Variants in TENM3 observed in about 807,000 individuals in gnomAD.
The protein encoded by TENM3 is teneurin transmembrane protein 3, also known as teneurin-3.
In TENM3, 63 loss-of-function variants were observed where a neutral mutation model predicts 255.1. The observed-to-expected ratio is 0.25, with a 90% CI of 0.20 to 0.30. TENM3 has a LOEUF of 0.30. TENM3 is among the 10% of genes least tolerant of loss of function. TENM3 has a pLI of 1.00. For synonymous variants in TENM3, 1,306 were observed against 1,322.3 expected (o/e 0.99, Z 0.27); for missense variants, 2,929 against 3,461.1 (o/e 0.85, Z 3.86).
At chr4:182,196,463 G>A (rs1185356373) in intron 1 of TENM3, among the ~76,000 whole-genome samples, 1 of 152,094 alleles carries the variant, frequency 6.6e-6, no homozygotes, top group Non-Finnish European at 1.5e-5. Flanking sequence ...AAGTAGGAAG[G>A]GTAAGCCTCT....
the TENM3 span, among the ~76,000 whole-genome samples, chr4:182,081,583 C>CAAAAAAAAAAAAAAAAAA: frequency 1.1e-5 from 1 of 87,534 alleles, no homozygotes; most frequent in Non-Finnish European, 2.1e-5. Flanking sequence ...GGCTCTGCCT[C>CAAAAAAAAAAAAAAAAAA]AAAAAAAAAA....
chr4:181,779,066 G>T, the TENM3 span, among the ~76,000 whole-genome samples: 12 of 152,188 alleles, frequency 7.9e-5, no homozygotes, highest in East Asian at 9.7e-4. Context: ...ACAAAGGAGA[G>T]TAGTGAACAG....
intron 16 of TENM3, among the ~76,000 whole-genome samples, chr4:182,733,999 G>A (rs1412460691): frequency 1.3e-5 from 2 of 152,076 alleles, no homozygotes; most frequent in Non-Finnish European, 2.9e-5. Context: ...TCATGCGGTA[G>A]GCAAATATTT....
chr4:181,464,905 G>T, the TENM3 span, among the ~76,000 whole-genome samples: 3 of 151,978 alleles, frequency 2.0e-5, no homozygotes, highest in South Asian at 2.1e-4. Flanking sequence ...GAGCCGAGAT[G>T]GTGCCATTGC....
In TENM3 at chr4:182,346,577, A is replaced by T. The variant is rs1764823732; in HGVS notation, c.233-74A>T. The T allele has an allele frequency of 3.0e-5, 8 of 264,266 alleles. No individual in the cohort carries two copies. In the South Asian group the frequency reaches 3.4e-4, roughly 11 times the overall value. The allele number at this position is 264,266 out of a possible 1,614,324, so 16.4% of individuals were successfully genotyped here. A position where few individuals can be genotyped will look rare whatever the true frequency, so the allele number is the denominator to read the frequency against. On this transcript the variant is annotated intron_variant, in intron 2 of 27. Coordinates refer to ENST00000511685, the MANE Select transcript of TENM3 (RefSeq NM_001080477.4). ...TGTTTATTTCTGAAAGACATTCTTA[A>T]AAAAAAAAAAAAGAAAAGAAACTAA...
the TENM3 span, among the ~76,000 whole-genome samples, chr4:181,940,562 T>C: frequency 6.6e-6 from 1 of 152,098 alleles, no homozygotes; most frequent in African/African-American, 2.4e-5. Flanking sequence ...TACAGAAAAT[T>C]AAAGCAGGGT....
At chr4:182,242,184 A>T (rs1757322092), upstream of TENM3, among the ~76,000 whole-genome samples, 1 of 151,752 alleles carries the variant, frequency 6.6e-6, no homozygotes, top group Non-Finnish European at 1.5e-5. Context: ...CATTAGGTAT[A>T]TCTCCTAATG....
the TENM3 span, among the ~76,000 whole-genome samples, chr4:181,968,007 T>C: frequency 3.9e-5 from 6 of 152,136 alleles, no homozygotes; most frequent in Middle Eastern, 3.2e-3. Flanking sequence ...CACAGGAACT[T>C]CAGTTCTGCT....
intron 2 of TENM3, among the ~76,000 whole-genome samples, chr4:182,343,390 C>T (rs996458404): frequency 2.0e-5 from 3 of 151,998 alleles, no homozygotes; most frequent in Admixed American, 6.5e-5. Flanking sequence ...ATATAAAGAC[C>T]GTAAAAGGCA....
the TENM3 span, among the ~76,000 whole-genome samples, chr4:182,063,088 T>C: frequency 6.6e-6 from 1 of 152,240 alleles, no homozygotes; most frequent in Non-Finnish European, 1.5e-5. Flanking sequence ...ATGAGTCACA[T>C]GAGAAAACAA....
chr4:182,370,452 T>G (rs936535121), intron 3 of TENM3, among the ~76,000 whole-genome samples: 4 of 152,238 alleles, frequency 2.6e-5, no homozygotes, highest in African/African-American at 9.6e-5. Context: ...AAGCAGGTCC[T>G]ATATTTAATA....
the TENM3 span, among the ~76,000 whole-genome samples, chr4:181,791,144 TG>T: frequency 6.6e-6 from 1 of 152,290 alleles, no homozygotes; most frequent in Middle Eastern, 3.4e-3. Flanking sequence ...ATAATTTGCT[TG>T]GTGGGCAAAT....
the TENM3 span, among the ~76,000 whole-genome samples, chr4:181,526,282 C>A: frequency 6.6e-6 from 1 of 151,002 alleles, no homozygotes. Context: ...AAAAAAAAAC[C>A]AGCAAAGTAG....
At chr4:182,091,497 G>GT in the TENM3 span, among the ~76,000 whole-genome samples, 9 of 152,158 alleles carry the variant, frequency 5.9e-5, no homozygotes, top group Admixed American at 5.9e-4. Flanking sequence ...AAGAGGTGAG[G>GT]TTTTGAGATC....
At chr4:182,100,856 T>TATAC in the TENM3 span, among the ~76,000 whole-genome samples, 112 of 12,148 alleles carry the variant, frequency 9.2e-3, 40 homozygotes, top group African/African-American at 0.023. Flanking sequence ...TATATATATA[T>TATAC]ACTCATATAT....
chr4:181,590,037 C>T, the TENM3 span, among the ~76,000 whole-genome samples: 244 of 152,210 alleles, frequency 1.6e-3, no homozygotes, highest in African/African-American at 5.6e-3. Context: ...CTTCTCAAAT[C>T]CTGCAAATGT....
At chr4:181,839,530 C>A in the TENM3 span, among the ~76,000 whole-genome samples, 1 of 148,236 alleles carries the variant, frequency 6.7e-6, no homozygotes, top group African/African-American at 2.5e-5. Flanking sequence ...TATACACACA[C>A]ATGCTCATAT....
chr4:182,243,977 G>A (rs1237693907), intron 1 of TENM3, among the ~76,000 whole-genome samples: 2 of 120,198 alleles, frequency 1.7e-5, no homozygotes, highest in African/African-American at 6.9e-5. Flanking sequence ...TTTTTGAGAC[G>A]GAATCTCGCT....
At chr4:181,593,563 A>G in the TENM3 span, among the ~76,000 whole-genome samples, 2 of 152,236 alleles carry the variant, frequency 1.3e-5, no homozygotes, top group African/African-American at 4.8e-5. Flanking sequence ...CCAGTAGTAC[A>G]TGGCACTGGA....
Sources: allele counts gnomAD v4.1 joint callset (sites outside exome capture counted in the v4.1 genomes callset), GRCh38; gene constraint gnomAD v4.1.1; transcripts MANE v1.5; gene names NCBI Gene and HGNC (gene_info 2026-07-23, HGNC 2026-07-21).